GRK2: variants seen among roughly 807,000 people sequenced by gnomAD.
GRK2 encodes the protein G protein-coupled receptor kinase 2.
GRK2 carries 23 observed loss-of-function variants against 97.8 expected under a neutral mutation model. The observed-to-expected ratio is 0.24, with a 90% CI of 0.17 to 0.33. The LOEUF (loss-of-function observed/expected upper bound fraction) is 0.33, where lower values mean the gene tolerates loss of function less well. GRK2 is among the 10% of genes least tolerant of loss of function. GRK2 has a pLI of 1.00. For synonymous variants in GRK2, 425 were observed against 381.7 expected, an observed-to-expected ratio of 1.11 and a Z score of -1.32; for missense variants, 633 against 956.9, an observed-to-expected ratio of 0.66 and a Z score of 4.47.
chr11:67,285,602 C>A lies in GRK2; in HGVS notation c.*152C>A. The A allele has an allele frequency of 9.7e-7, 1 of 1,034,572 alleles. No homozygotes were observed. Among genetic ancestry groups the A allele is most frequent in the South Asian group, 1.8e-5 (1 of 55,760 alleles). The allele number at this position is 1,034,572 out of a possible 1,614,324, so 64.1% of individuals were successfully genotyped here. ...GCTCCCCCGGGAGGGGCCCGCTTGC[C>A]TCGGCTCCTGCTGCACCAACCCAGC... On this transcript the variant is annotated 3_prime_UTR_variant, in exon 21 of 21. Coordinates refer to ENST00000308595, the MANE Select transcript of GRK2 (RefSeq NM_001619.5).
intron 1 of GRK2, among the ~76,000 whole-genome samples, chr11:67,274,610 C>T (rs1383166563): frequency 1.3e-5 from 2 of 149,114 alleles, no homozygotes; most frequent in Non-Finnish European, 3.0e-5. Context: ...GTTTTCTCCA[C>T]GTTCCAGTCT....
At chr11:67,272,113 AGCTGCCAGCCAAG>A (rs1402645407) in intron 1 of GRK2, among the ~76,000 whole-genome samples, 3 of 152,188 alleles carry the variant, frequency 2.0e-5, no homozygotes, top group African/African-American at 7.2e-5. Flanking sequence ...CCTGGCTGCC[AGCTGCCAGCCAAG>A]GCTGCCTCCC....
chr11:67,281,284 C>A lies in GRK2; in HGVS notation c.647+100C>A. 3 of 1,169,690 alleles carry A rather than the reference C, an allele frequency of 2.6e-6. No individual in the cohort carries two copies. The highest frequency in any genetic ancestry group is 1.3e-5 in the South Asian group (1 of 74,170). The allele number at this position is 1,169,690 out of a possible 1,614,324, so 72.5% of individuals were successfully genotyped here. A position where few individuals can be genotyped will look rare whatever the true frequency, so the allele number is the denominator to read the frequency against. ...ACACAGGGCCACCTGCTGCTCCATG[C>A]ACTCCTGTCTTGCCGTGCTGTTACC... On this transcript the variant is annotated intron_variant, in intron 8 of 20. Transcript: ENST00000308595. This position sits in a 1 kb window ranked among gnomAD's most constrained non-coding sequence, Gnocchi z 5.7.
At position 67,281,429 on chromosome 11, in the gene GRK2, G is replaced by A; in HGVS notation, c.648-30G>A. Reference sequence around the variant, plus strand: ...AGCCCTGGGCCCCTGCTCTGAGGGTGGGTGTTGACTGCCGACCTCTGCCCC... The same window carrying A: ...AGCCCTGGGCCCCTGCTCTGAGGGTAGGTGTTGACTGCCGACCTCTGCCCC... On this transcript the variant is annotated intron_variant, in intron 8 of 20. Transcript: ENST00000308595. The surrounding 1 kb of genome is among the most constrained non-coding windows in gnomAD (Gnocchi z 5.7). 6.3e-7 allele frequency: 1 copy of A among 1,596,746 alleles called. No homozygotes were observed. Among genetic ancestry groups the A allele is most frequent in the South Asian group, 1.1e-5 (1 of 90,704 alleles).
rs1186824487 is a variant in GRK2, at chr11:67,274,009, CTTTTT to C, written c.114-3246_114-3242del. ...GCCATTCCCTCTGCCAAACTGGCAC[CTTTTT>C]TTTTTTTTTTTTTTTTGAGACAGAG... On this transcript the variant is annotated intron_variant, in intron 1 of 20. Transcript: ENST00000308595. Among the ~76,000 whole-genome samples, 3 of 126,756 alleles carry C rather than the reference CTTTTT, an allele frequency of 2.4e-5. No homozygotes were observed. The East Asian group carries it at 6.7e-4, about 28-fold the overall frequency. 83.2% of individuals were successfully genotyped at this position (126,756 alleles called of 152,430 possible). A position where few individuals can be genotyped will look rare whatever the true frequency, so the allele number is the denominator to read the frequency against.
chr11:67,266,752 A>C lies in GRK2; in HGVS notation c.53A>C (p.Glu18Ala). Residue 18 changes from glutamate to alanine, a missense_variant, in exon 1 of 21, where the codon GAG becomes GCG. Transcript: ENST00000308595. ...LADVSYLMAMEKSKATPAARA... is the reference protein window; with the variant it reads ...LADVSYLMAMAKSKATPAARA... The stretch of plus-strand genomic sequence containing the variant: ...GACGTGAGCTACCTGATGGCCATGG[A>C]GAAGAGCAAGGCCACGCCGGCCGCG... 1 of 1,376,744 alleles carries C rather than the reference A, an allele frequency of 7.3e-7. No homozygotes were observed. The highest frequency in any genetic ancestry group is 9.5e-7 in the Non-Finnish European group (1 of 1,052,624). 85.3% of individuals were successfully genotyped at this position (1,376,744 alleles called of 1,614,324 possible). A position where few individuals can be genotyped will look rare whatever the true frequency, so the allele number is the denominator to read the frequency against.
intron 1 of GRK2, among the ~76,000 whole-genome samples, chr11:67,273,661 T>C (rs1326786294): frequency 1.4e-4 from 21 of 151,588 alleles, no homozygotes; most frequent in Admixed American, 1.4e-3. Flanking sequence ...TTTGGTTTCT[T>C]GCTTGGGGGG....
In GRK2 at chr11:67,282,230, T is replaced by C; in HGVS notation, c.958-41T>C. 6.3e-7 allele frequency: 1 copy of C among 1,591,614 alleles called. No individual in the cohort carries two copies. The highest frequency in any genetic ancestry group is 8.6e-7 in the Non-Finnish European group (1 of 1,161,678). Reference sequence around the variant, plus strand: ...TGGCATCTTGCCTGGCTGGGCCCCATCCTGAGCTGCCCCAGGCAGCTCACT... The same window carrying C: ...TGGCATCTTGCCTGGCTGGGCCCCACCCTGAGCTGCCCCAGGCAGCTCACT... On this transcript the variant is annotated intron_variant, in intron 11 of 20. Coordinates refer to ENST00000308595, the MANE Select transcript of GRK2 (RefSeq NM_001619.5). The surrounding 1 kb of genome is among the most constrained non-coding windows in gnomAD (Gnocchi z 6.9).
At chr11:67,271,143 C>T (rs1590845760) in intron 1 of GRK2, 1 of 152,470 alleles carries the variant, frequency 6.6e-6, no homozygotes, top group East Asian at 1.9e-4. Flanking sequence ...CTTGAGGATG[C>T]ACAGCCTCCC....
In GRK2 at chr11:67,279,198, A is replaced by G. The variant is rs1430871172; in HGVS notation, c.191-2A>G. ...TCTGTGACCTTACACTGTTGCCTTC[A>G]GGGTACCTGCTCTTCCGAGACTTCT... On this transcript the variant is annotated splice_acceptor_variant, in intron 2 of 20. Coordinates refer to ENST00000308595, the MANE Select transcript of GRK2 (RefSeq NM_001619.5). LOFTEE classifies it high-confidence loss of function. 1 of 1,612,862 alleles carries G rather than the reference A, an allele frequency of 6.2e-7. No homozygotes were observed.
At position 67,279,914 on chromosome 11, in the gene GRK2, A is replaced by C. The variant is rs375408675; in HGVS notation, c.503+14A>C. 4 of 1,612,790 alleles carry C rather than the reference A, an allele frequency of 2.5e-6. No homozygotes were observed. In the South Asian group the frequency reaches 4.4e-5, roughly 18 times the overall value. ...ATTCATTGAGAGGTGAGAGCAGGGA[A>C]GTGTGGGAGAGGAAGGGGGAGGGAG... On this transcript the variant is annotated intron_variant, in intron 6 of 20. Transcript: ENST00000308595.
At chr11:67,284,023 T>C (rs927464616) in intron 17 of GRK2, 74 bp downstream of exon 17, 2 of 1,464,482 alleles carry the variant, frequency 1.4e-6, no homozygotes, top group Non-Finnish European at 1.9e-6. Flanking sequence ...TCCCTTCTTA[T>C]CACCTGTGAG....
Position 67,279,703 on chromosome 11 carries a change from G to A in GRK2, c.441+3G>A, listed in dbSNP as rs1860108829. ...AGGTGCCTCCGGATCTCTTCCAGGT[G>A]TGTGCCTCCCGGTCCCTCCCCAGGC... On this transcript the variant is annotated splice_donor_region_variant and intron_variant, in intron 5 of 20. Transcript: ENST00000308595. The A allele has an allele frequency of 2.5e-6, 4 of 1,613,714 alleles. No individual in the cohort carries two copies. The highest frequency in any genetic ancestry group is 3.4e-6 in the Non-Finnish European group (4 of 1,180,006).
chr11:67,266,808 C>A lies in GRK2; in HGVS notation c.109C>A (p.Pro37Thr). The change falls in exon 1 of 21, where the codon CCC becomes ACC. Residue 37 changes from proline (P) to threonine (T), a missense_variant. Physicochemically the swap from Pro to Thr is conservative, Grantham distance 38 (BLOSUM62 -1). Around this residue, in one of 4 missense-constraint regions of GRK2, gnomAD observed 193 missense variants for 212.2 expected, o/e 0.91. Transcript: ENST00000308595. ...CAGCAAGAAGATCCTGCTGCCCGAG[C>A]CCAGGTGAGGAGAAGCTGCCCGCGG... The part of the protein sequence containing the change: ...RASKKILLPE[P>T]SIRSVMQKYL... The A allele has an allele frequency of 7.7e-7, 1 of 1,299,362 alleles. No homozygotes were observed. 80.5% of individuals were successfully genotyped at this position (1,299,362 alleles called of 1,614,324 possible). A position where few individuals can be genotyped will look rare whatever the true frequency, so the allele number is the denominator to read the frequency against.
At chr11:67,273,460 C>G (rs956648959) in intron 1 of GRK2, among the ~76,000 whole-genome samples, 1 of 152,190 alleles carries the variant, frequency 6.6e-6, no homozygotes, top group Non-Finnish European at 1.5e-5. Context: ...ACAAGGTGAC[C>G]CAGTCCAGGA....
chr11:67,278,948 C>T lies in GRK2; in HGVS notation c.191-252C>T, dbSNP rs888291275. 5.3e-5 allele frequency among the ~76,000 whole-genome samples: 8 copies of T among 152,320 alleles called. No homozygotes were observed. In the East Asian group the frequency reaches 5.8e-4, roughly 11 times the overall value. ...TCTGCCTCACCCTGGTGCCCATCGCCGTCCAGCTACCACCTGGGGAAACAG... is the reference window on the plus strand; with the variant it reads ...TCTGCCTCACCCTGGTGCCCATCGCTGTCCAGCTACCACCTGGGGAAACAG... On this transcript the variant is annotated intron_variant, in intron 2 of 20. Transcript: ENST00000308595.
chr11:67,276,610 A>G lies in GRK2; in HGVS notation c.114-662A>G, dbSNP rs1196375089. The G allele has an allele frequency of 3.9e-5, 6 of 152,162 alleles. No individual in the cohort carries two copies. The highest frequency in any genetic ancestry group is 5.9e-5 in the Non-Finnish European group (4 of 68,046). 9.4% of individuals were successfully genotyped at this position (152,162 alleles called of 1,614,324 possible). A position where few individuals can be genotyped will look rare whatever the true frequency, so the allele number is the denominator to read the frequency against. ...AGATGCAATTCATATAAAATTCATC[A>G]TTTTATTATACAATGTAGTGTTTTT... On this transcript the variant is annotated intron_variant, in intron 1 of 20. Transcript: ENST00000308595. This position sits in a 1 kb window ranked among gnomAD's most constrained non-coding sequence, Gnocchi z 4.2.
At chr11:67,277,136 T>G in intron 1 of GRK2, 136 bp from the exon 2 acceptor site, 1 of 725,488 alleles carries the variant, frequency 1.4e-6, no homozygotes, top group Non-Finnish European at 2.3e-6. Flanking sequence ...CTGGGATAAG[T>G]GAGTAGGCCT....
At chr11:67,266,930 C>T (rs1316336284) in intron 1 of GRK2, 118 bp downstream of exon 1, 1 of 352,912 alleles carries the variant, frequency 2.8e-6, no homozygotes, top group Non-Finnish European at 4.7e-6. Flanking sequence ...GCTCTCGCAA[C>T]CCCCTGTCGG....
Sources: gnomAD v4.1 joint callset for allele counts (sites outside exome capture counted in the v4.1 genomes callset) on GRCh38, gnomAD v4.1.1 for gene constraint, gnomAD v4.1.1 regional missense constraint, Gnocchi (gnomAD v3.1) non-coding constraint, MANE v1.5 for transcripts, NCBI Gene and HGNC (gene_info 2026-07-23, HGNC 2026-07-21) for gene names.